Variants in JAK1 observed in about 807,000 individuals in gnomAD.
The protein encoded by JAK1 is Janus kinase 1, also known as tyrosine-protein kinase JAK1.
JAK1 carries 16 observed loss-of-function variants against 136.6 expected under a neutral mutation model. That is an observed-to-expected ratio of 0.12 (90% CI 0.08 to 0.18). The LOEUF (loss-of-function observed/expected upper bound fraction) is 0.18, where lower values mean the gene tolerates loss of function less well. Ranked by LOEUF, JAK1 falls within the 10% of genes least tolerant of loss-of-function variation. The pLI is 1.00. For synonymous variants in JAK1, 492 were observed against 519.5 expected, an observed-to-expected ratio of 0.95 and a Z score of 0.72; for missense variants, 859 against 1,450.1, an observed-to-expected ratio of 0.59 and a Z score of 6.62.
rs1172259895 is a variant in JAK1 at position 64,838,118 on chromosome 1, G to A, written c.2968-14C>T. 6.2e-7 allele frequency: 1 copy of A among 1,607,114 alleles called. No individual in the cohort carries two copies. Among genetic ancestry groups the A allele is most frequent in the Admixed American group, 1.7e-5 (1 of 59,164 alleles). ...ATAGTCCATCCCCTGAGAGAGAGAAGTAAAAGTCAAGCACATTGCTAAAGT... is the reference window on the plus strand; with the variant it reads ...ATAGTCCATCCCCTGAGAGAGAGAAATAAAAGTCAAGCACATTGCTAAAGT... On this transcript the variant is annotated splice_polypyrimidine_tract_variant and intron_variant, in intron 21 of 24. Transcript: ENST00000342505.
chr1:64,930,814 A>G (rs910354522), intron 1 of JAK1, among the ~76,000 whole-genome samples: 6 of 152,268 alleles, frequency 3.9e-5, no homozygotes, highest in Non-Finnish European at 8.8e-5. Flanking sequence ...AATACTATGC[A>G]GCCATAAAAA....
At chr1:64,877,172 T>C (rs1644685979) in intron 4 of JAK1, among the ~76,000 whole-genome samples, 1 of 152,152 alleles carries the variant, frequency 6.6e-6, no homozygotes, top group African/African-American at 2.4e-5. Flanking sequence ...CAGAAAACGA[T>C]AATTGAAATA....
chr1:65,027,658 G>A (rs1646989590), intron 2 of JAK1, among the ~76,000 whole-genome samples: 1 of 152,162 alleles, frequency 6.6e-6, no homozygotes, highest in African/African-American at 2.4e-5. Flanking sequence ...GGGTAAGGAA[G>A]GATGATTGTG....
intron 1 of JAK1, among the ~76,000 whole-genome samples, chr1:64,920,211 G>A (rs988465006): frequency 6.6e-6 from 1 of 152,190 alleles, no homozygotes; most frequent in Non-Finnish European, 1.5e-5. Context: ...GACGGAAACA[G>A]GGAAAAGTGG....
At chr1:64,921,306 G>A (rs777021851) in intron 1 of JAK1, among the ~76,000 whole-genome samples, 2 of 152,008 alleles carry the variant, frequency 1.3e-5, no homozygotes, top group African/African-American at 4.8e-5. Flanking sequence ...CTGGGCTTTC[G>A]ATCATAGGAC....
intron 1 of JAK1, among the ~76,000 whole-genome samples, chr1:65,053,239 C>T (rs1363919676): frequency 1.3e-5 from 2 of 150,226 alleles, no homozygotes; most frequent in East Asian, 2.0e-4. Context: ...CCCAGCTACT[C>T]GGGAGGCTGA....
intron 1 of JAK1, among the ~76,000 whole-genome samples, chr1:64,947,901 G>C (rs1382320462): frequency 6.6e-6 from 1 of 152,062 alleles, no homozygotes; most frequent in Non-Finnish European, 1.5e-5. Context: ...ATATAATATA[G>C]AGAGGGAGAG....
At chr1:64,940,559 T>C (rs962935239) in intron 1 of JAK1, among the ~76,000 whole-genome samples, 2 of 152,110 alleles carry the variant, frequency 1.3e-5, no homozygotes. Context: ...TCAAGTGATC[T>C]GCCCACCTCG....
chr1:65,055,250 C>T (rs1647479922), intron 1 of JAK1, among the ~76,000 whole-genome samples: 1 of 152,158 alleles, frequency 6.6e-6, no homozygotes, highest in African/African-American at 2.4e-5. Context: ...GGAATCATAA[C>T]AGTATACACC....
intron 2 of JAK1, among the ~76,000 whole-genome samples, chr1:64,978,201 T>G (rs978713248): frequency 1.3e-5 from 2 of 151,966 alleles, no homozygotes; most frequent in African/African-American, 4.8e-5. Flanking sequence ...TTGCTTGAAC[T>G]CAAGAGGCAC....
At chr1:65,017,987 T>C (rs1646904259) in intron 2 of JAK1, among the ~76,000 whole-genome samples, 1 of 152,020 alleles carries the variant, frequency 6.6e-6, no homozygotes, top group Non-Finnish European at 1.5e-5. Context: ...TTTTTGTATT[T>C]TTAGTAGAAA....
chr1:64,969,785 G>A (rs1269466069), upstream of JAK1, among the ~76,000 whole-genome samples: 1 of 152,114 alleles, frequency 6.6e-6, no homozygotes, highest in Admixed American at 6.6e-5. Context: ...CCGACTGGAT[G>A]CCACCGACTA....
chr1:64,975,872 C>T (rs754227029), intron 2 of JAK1, among the ~76,000 whole-genome samples: 12 of 152,172 alleles, frequency 7.9e-5, no homozygotes, highest in East Asian at 1.9e-4. Flanking sequence ...CCCCCTGTCA[C>T]GATGGTGACT....
intron 23 of JAK1, 91 bp from the exon 24 acceptor site, chr1:64,835,597 G>A (rs1363736966): frequency 3.9e-6 from 3 of 773,198 alleles, no homozygotes; most frequent in Non-Finnish European, 6.5e-6. Context: ...ACAATCAACT[G>A]GAAATTTAAG....
chr1:65,014,499 C>T (rs1211989481), intron 2 of JAK1, among the ~76,000 whole-genome samples: 1 of 151,894 alleles, frequency 6.6e-6, no homozygotes, highest in South Asian at 2.1e-4. Context: ...CACTCAAATT[C>T]ATCACAATAA....
rs2100993408 is a variant in JAK1 at position 64,844,728 on chromosome 1, C to T, written c.2251+26G>A. ...GACTTGCCCCTGACTCGGGGTGGGG[C>T]CAGAGGGAAGAGAGGGGAGACACAC... On this transcript the variant is annotated intron_variant, in intron 16 of 24. Transcript: ENST00000342505. This position sits in a 1 kb window ranked among gnomAD's most constrained non-coding sequence, Gnocchi z 5.7. The T allele has an allele frequency of 6.2e-7, 1 of 1,613,724 alleles. No homozygotes were observed. Among genetic ancestry groups the T allele is most frequent in the South Asian group, 1.1e-5 (1 of 91,054 alleles).
intron 11 of JAK1, among the ~76,000 whole-genome samples, chr1:64,852,371 A>G (rs1655658288): frequency 6.6e-6 from 1 of 152,324 alleles, no homozygotes; most frequent in East Asian, 1.9e-4. Context: ...TCGGGAGAAC[A>G]AATGTGGGTG....
intron 1 of JAK1, among the ~76,000 whole-genome samples, chr1:64,916,202 C>T (rs1645393274): frequency 6.6e-6 from 1 of 152,136 alleles, no homozygotes; most frequent in Non-Finnish European, 1.5e-5. Context: ...TCAGAGAAAA[C>T]ATTACACAGA....
chr1:64,946,395 G>T (rs111276813), intron 1 of JAK1, among the ~76,000 whole-genome samples: 1,882 of 152,252 alleles, frequency 0.012, 35 homozygotes, highest in African/African-American at 0.042. Flanking sequence ...CAAGGCTTTA[G>T]GTAACTTCCC....
Sources: allele counts gnomAD v4.1 joint callset (sites outside exome capture counted in the v4.1 genomes callset), GRCh38; gene constraint gnomAD v4.1.1; non-coding constraint Gnocchi (gnomAD v3.1); transcripts MANE v1.5; gene names NCBI Gene and HGNC (gene_info 2026-07-23, HGNC 2026-07-21).